Variants in ACVR1C observed in about 807,000 individuals in gnomAD.
The protein encoded by ACVR1C is activin A receptor type 1C, also known as activin receptor type-1C.
ACVR1C carries 23 observed loss-of-function variants against 57.9 expected under a neutral mutation model. The observed-to-expected ratio is 0.40, with a 90% CI of 0.29 to 0.56. The LOEUF is 0.56. ACVR1C is among the 20% of genes least tolerant of loss of function. ACVR1C has a pLI of 0.50. For synonymous variants in ACVR1C, 214 were observed against 215.3 expected (o/e 0.99, Z 0.05); for missense variants, 480 against 607.9 (o/e 0.79, Z 2.21).
chr2:157,597,358 G>A (rs971680931), intron 1 of ACVR1C: 3 of 985,470 alleles, frequency 3.0e-6, no homozygotes, highest in South Asian at 9.4e-5. Flanking sequence ...AGCTCCCCTT[G>A]CCTGGACTTG....
intron 1 of ACVR1C, among the ~76,000 whole-genome samples, chr2:157,609,791 G>A (rs1427314007): frequency 1.3e-5 from 2 of 151,744 alleles, no homozygotes; most frequent in Non-Finnish European, 3.0e-5. Context: ...TTCACTTTTG[G>A]TTTCTATTTG....
chr2:157,533,782 C>G lies in ACVR1C; in HGVS notation c.*136G>C, dbSNP rs1005300890. 41 of 749,792 alleles carry G rather than the reference C, an allele frequency of 5.5e-5. No homozygotes were observed. Among genetic ancestry groups the G allele is most frequent in the Non-Finnish European group, 7.5e-5 (40 of 536,334 alleles). The allele number at this position is 749,792 out of a possible 1,614,324, so 46.4% of individuals were successfully genotyped here. On this transcript the variant is annotated 3_prime_UTR_variant, in exon 9 of 9. Transcript: ENST00000243349. ...TTAACTTTAGAGTTATCTTTTCATGCTGCCTTATGGGCACTTAAATACTGT... is the reference window on the plus strand; with the variant it reads ...TTAACTTTAGAGTTATCTTTTCATGGTGCCTTATGGGCACTTAAATACTGT...
intron 1 of ACVR1C, among the ~76,000 whole-genome samples, chr2:157,620,485 T>G (rs903378800): frequency 2.6e-5 from 4 of 152,138 alleles, no homozygotes; most frequent in African/African-American, 9.7e-5. Context: ...TACTCTTTAA[T>G]ATATTTTGGC....
chr2:157,614,587 G>C (rs763589463), intron 1 of ACVR1C, among the ~76,000 whole-genome samples: 4 of 152,154 alleles, frequency 2.6e-5, no homozygotes, highest in Non-Finnish European at 5.9e-5. Flanking sequence ...TCAGATATGA[G>C]AGACGAGTTT....
rs563875826 is a variant in ACVR1C at position 157,608,873 on chromosome 2, G to C, written c.73+19699C>G. Among the ~76,000 whole-genome samples the C allele has an allele frequency of 8.6e-5, 13 of 151,596 alleles. No homozygotes were observed. In the East Asian group the frequency reaches 2.5e-3, roughly 29 times the overall value. On this transcript the variant is annotated intron_variant, in intron 1 of 8. Coordinates refer to ENST00000243349, the MANE Select transcript of ACVR1C (RefSeq NM_145259.3). The stretch of plus-strand genomic sequence containing the variant: ...TATTTGTGTCTTCTCTTTTTTCTTA[G>C]TCTAGTTAACAGTTTATGACTTTTG...
chr2:157,589,154 G>T (rs1689003125), intron 1 of ACVR1C, among the ~76,000 whole-genome samples: 1 of 151,314 alleles, frequency 6.6e-6, no homozygotes, highest in Admixed American at 6.6e-5. Context: ...CCATCAGCAG[G>T]GTATAAGCAT....
At chr2:157,548,597 C>T (rs1304609812) in intron 4 of ACVR1C, among the ~76,000 whole-genome samples, 1 of 151,166 alleles carries the variant, frequency 6.6e-6, no homozygotes, top group Admixed American at 6.6e-5. Context: ...ATCAATGGAA[C>T]AGAACAGAGC....
At chr2:157,606,619 T>G (rs538318696) in intron 1 of ACVR1C, among the ~76,000 whole-genome samples, 6 of 151,922 alleles carry the variant, frequency 3.9e-5, no homozygotes, top group Non-Finnish European at 8.8e-5. Context: ...AAATGTCTAT[T>G]CATAATCTTT....
chr2:157,587,724 C>G (rs1688958943), intron 1 of ACVR1C, among the ~76,000 whole-genome samples: 1 of 152,008 alleles, frequency 6.6e-6, no homozygotes, highest in Non-Finnish European at 1.5e-5. Flanking sequence ...ATTCCTAAAT[C>G]AATAGCTCCT....
intron 2 of ACVR1C, among the ~76,000 whole-genome samples, chr2:157,583,849 C>T (rs1363939901): frequency 1.3e-5 from 2 of 152,100 alleles, no homozygotes; most frequent in African/African-American, 4.8e-5. Context: ...CACATAATAA[C>T]ACAAATTAAG....
chr2:157,560,622 G>A (rs541558634), intron 2 of ACVR1C, among the ~76,000 whole-genome samples: 300 of 152,274 alleles, frequency 2.0e-3, no homozygotes, highest in African/African-American at 7.1e-3. Flanking sequence ...CAACCAATCT[G>A]AACTAAGCAA....
intron 1 of ACVR1C, among the ~76,000 whole-genome samples, chr2:157,600,164 T>C (rs150455518): frequency 1.3e-5 from 2 of 152,326 alleles, no homozygotes; most frequent in East Asian, 3.9e-4. Context: ...TCATGTATTC[T>C]TATAAAGACT....
intron 2 of ACVR1C, among the ~76,000 whole-genome samples, chr2:157,586,763 T>C (rs547277617): frequency 1.3e-5 from 2 of 152,292 alleles, no homozygotes; most frequent in East Asian, 3.9e-4. Flanking sequence ...AAAAAGATTC[T>C]GTCCCCAGAA....
intron 2 of ACVR1C, among the ~76,000 whole-genome samples, chr2:157,571,320 C>A (rs1250327434): frequency 4.5e-4 from 16 of 35,264 alleles, no homozygotes; most frequent in African/African-American, 2.0e-3. Context: ...GACTTCATGT[C>A]CAAAACACCA....
At chr2:157,597,577 C>G in intron 1 of ACVR1C, 1 of 985,450 alleles carries the variant, frequency 1.0e-6, no homozygotes, top group Non-Finnish European at 1.2e-6. Flanking sequence ...GAGACGTTCT[C>G]CGACGGCTTC....
intron 2 of ACVR1C, among the ~76,000 whole-genome samples, chr2:157,579,601 T>C (rs1305449789): frequency 6.6e-6 from 1 of 152,226 alleles, no homozygotes; most frequent in African/African-American, 2.4e-5. Flanking sequence ...TTAATTCCAA[T>C]ATGTGAAGCC....
At chr2:157,599,881 C>T (rs1017778853) in intron 1 of ACVR1C, among the ~76,000 whole-genome samples, 2 of 152,168 alleles carry the variant, frequency 1.3e-5, no homozygotes, top group African/African-American at 4.8e-5. Context: ...CAGTCCAGGG[C>T]ATTTAGGGAA....
At chr2:157,534,921 C>T (rs957938704) in intron 8 of ACVR1C, among the ~76,000 whole-genome samples, 2 of 151,952 alleles carry the variant, frequency 1.3e-5, no homozygotes, top group East Asian at 1.9e-4. Context: ...TTTGGTAGGC[C>T]GAGGTGAGAG....
intron 7 of ACVR1C, among the ~76,000 whole-genome samples, chr2:157,540,578 G>A (rs1687603127): frequency 6.6e-6 from 1 of 152,152 alleles, no homozygotes; most frequent in South Asian, 2.1e-4. Context: ...TTACAGGCAT[G>A]AGTCACCACG....
Sources: gnomAD v4.1 joint callset for allele counts (sites outside exome capture counted in the v4.1 genomes callset) on GRCh38, gnomAD v4.1.1 for gene constraint, MANE v1.5 for transcripts, NCBI Gene and HGNC (gene_info 2026-07-23, HGNC 2026-07-21) for gene names.